BICRAL: variants seen among roughly 807,000 people sequenced by gnomAD.
BICRAL encodes the protein BRD4-interacting chromatin-remodeling complex-associated protein-like.
A neutral mutation model predicts 91.8 loss-of-function variants in BICRAL; 8 were observed. The ratio of observed to expected loss-of-function variants is 0.09; its 90% CI spans 0.05 to 0.16. BICRAL has a LOEUF of 0.16. BICRAL is among the 10% of genes least tolerant of loss of function. The pLI, the probability that BICRAL is intolerant of heterozygous loss-of-function variation, is 1.00. For missense variants in BICRAL, 1,038 were observed against 1,310.9 expected, an observed-to-expected ratio of 0.79 and a Z score of 3.21; for synonymous variants, 445 against 491.1, an observed-to-expected ratio of 0.91 and a Z score of 1.24.
intron 1 of BICRAL, among the ~76,000 whole-genome samples, chr6:42,749,421 G>T (rs1247614971): frequency 6.6e-6 from 1 of 152,170 alleles, no homozygotes; most frequent in East Asian, 1.9e-4. Flanking sequence ...TGGTTAAAGG[G>T]CACAAAGGCA....
At chr6:42,779,970 A>G (rs1762863393), upstream of BICRAL, among the ~76,000 whole-genome samples, 1 of 152,092 alleles carries the variant, frequency 6.6e-6, no homozygotes, top group South Asian at 2.1e-4. Flanking sequence ...GCCTGCCCAT[A>G]GCTCACTGCA....
At chr6:42,817,425 C>T (rs1054288059) in intron 2 of BICRAL, among the ~76,000 whole-genome samples, 1 of 151,410 alleles carries the variant, frequency 6.6e-6, no homozygotes, top group Non-Finnish European at 1.5e-5. Context: ...ATTTACATAC[C>T]ATAAAACTCA....
chr6:42,862,595 T>C lies in BICRAL; in HGVS notation c.2435T>C (p.Leu812Ser). Residue 812 changes from leucine to serine, a missense_variant, in exon 12 of 13, where the codon TTG becomes TCG. Leu to Ser is a moderately radical substitution (Grantham distance 145). This residue lies in a region of BICRAL where 294 missense variants were observed against 292.6 expected (regional missense o/e 1.00). Transcript: ENST00000314073. ...GCTTCCCTGTCCCGAGACAAGCGTT[T>C]GGCACTTGTAGACCCTGGTAAGAAA... The part of the protein sequence containing the change: ...ERASLSRDKR[L>S]ALVDPEGFQA... 1.2e-6 allele frequency: 2 copies of C among 1,602,482 alleles called. No individual in the cohort carries two copies. The highest frequency in any genetic ancestry group is 1.1e-5 in the South Asian group (1 of 90,754).
At position 42,864,873 on chromosome 6, in the gene BICRAL, A is replaced by C; in HGVS notation, c.2667A>C (p.Ala889=). ...TGCCTAATCACATCGTGGTCTCTGC[A>C]GAAGGAAACATTTCTAAAAAAACAG... is the stretch of plus-strand genomic sequence containing the variant. ...HLVPNHIVVS[A]EGNISKKTEC... is the part of the protein sequence containing the mutation. The change falls in exon 13 of 13, where the codon GCA becomes GCC. Residue 889 remains alanine, a synonymous_variant. Transcript: ENST00000314073. 2.5e-6 allele frequency: 4 copies of C among 1,614,188 alleles called. No individual in the cohort carries two copies. The highest frequency in any genetic ancestry group is 2.5e-6 in the Non-Finnish European group (3 of 1,180,030).
At chr6:42,768,593 C>T (rs145406928) in intron 1 of BICRAL, among the ~76,000 whole-genome samples, 1 of 152,172 alleles carries the variant, frequency 6.6e-6, no homozygotes, top group Non-Finnish European at 1.5e-5. Context: ...AGGAAATATT[C>T]CAACTCCAAA....
chr6:42,773,204 G>C (rs1039052018), intron 1 of BICRAL, among the ~76,000 whole-genome samples: 62 of 151,390 alleles, frequency 4.1e-4, no homozygotes, highest in African/African-American at 1.4e-3. Flanking sequence ...TCAGCCTCCT[G>C]AGTAGCTGGG....
chr6:42,798,983 T>C (rs1379499343), intron 1 of BICRAL, among the ~76,000 whole-genome samples: 1 of 152,232 alleles, frequency 6.6e-6, no homozygotes, highest in Non-Finnish European at 1.5e-5. Context: ...TTCCTAAATA[T>C]TTTCAATCTG....
chr6:42,819,823 G>T (rs1764090477), intron 2 of BICRAL, among the ~76,000 whole-genome samples: 1 of 152,128 alleles, frequency 6.6e-6, no homozygotes, highest in African/African-American at 2.4e-5. Flanking sequence ...GGGTGCCCCT[G>T]ACTGTAAAGG....
intron 1 of BICRAL, among the ~76,000 whole-genome samples, chr6:42,761,468 CT>C (rs1451279652): frequency 6.6e-6 from 1 of 152,116 alleles, no homozygotes; most frequent in African/African-American, 2.4e-5. Flanking sequence ...TTAATTAATT[CT>C]GATTAGTTGT....
intron 5 of BICRAL, 106 bp from the exon 6 acceptor site, chr6:42,828,387 C>G: frequency 8.4e-6 from 8 of 951,854 alleles, no homozygotes; most frequent in Non-Finnish European, 1.2e-5. Flanking sequence ...GGTGACAGAG[C>G]GAGACTCCAT....
At chr6:42,823,817 C>T (rs899187447) in intron 5 of BICRAL, among the ~76,000 whole-genome samples, 6 of 151,906 alleles carry the variant, frequency 3.9e-5, no homozygotes, top group African/African-American at 7.3e-5. Flanking sequence ...CCCAGCTACT[C>T]GGGAGCCTGT....
At position 42,842,373 on chromosome 6, in the gene BICRAL, G is replaced by T. The variant is rs1032791235; in HGVS notation, c.1840-9719G>T. ...TTTCGTCCTCTTCCTAAAGAAGGCA[G>T]ATTTCCACATTAATCCTCCTAAAAT... On this transcript the variant is annotated intron_variant, in intron 6 of 12. Transcript: ENST00000314073. Among the ~76,000 whole-genome samples, 3 of 152,206 alleles carry T rather than the reference G, an allele frequency of 2.0e-5. No individual in the cohort carries two copies. The East Asian group carries it at 5.8e-4, about 29-fold the overall frequency.
chr6:42,777,291 T>G (rs1422258368), upstream of BICRAL, among the ~76,000 whole-genome samples: 1 of 152,166 alleles, frequency 6.6e-6, no homozygotes, highest in South Asian at 2.1e-4. Context: ...CTCTCAGAGG[T>G]GGGTACTATA....
chr6:42,747,806 T>A lies in BICRAL; in HGVS notation c.-261+783T>A, dbSNP rs1312273795. On this transcript the variant is annotated intron_variant, in intron 1 of 14. Transcript: ENST00000614467. ...GTTTTTGCTTTTTTGTTTTATTTTG[T>A]TTTTTTTTTTTTTTTTTGAGACGGA... 1.4e-4 allele frequency among the ~76,000 whole-genome samples: 11 copies of A among 80,312 alleles called. No individual in the cohort carries two copies. The East Asian group carries it at 3.1e-3, about 23-fold the overall frequency. 52.7% of individuals were successfully genotyped at this position (80,312 alleles called of 152,430 possible). A position where few individuals can be genotyped will look rare whatever the true frequency, so the allele number is the denominator to read the frequency against.
intron 12 of BICRAL, among the ~76,000 whole-genome samples, chr6:42,863,075 A>G (rs1181398670): frequency 3.7e-5 from 5 of 133,388 alleles, no homozygotes; most frequent in African/African-American, 1.4e-4. Context: ...TTTGAGACGG[A>G]GTATCGCTCT....
chr6:42,857,213 C>A lies in BICRAL; in HGVS notation c.2231C>A (p.Pro744His). Residue 744 changes from proline to histidine, a missense_variant, in exon 10 of 13, where the codon CCC becomes CAC. Coordinates refer to ENST00000314073, the MANE Select transcript of BICRAL (RefSeq NM_001393499.1). Reference sequence around the variant, plus strand: ...TACCACGTGTGCCAGGGCTCCATGCCCACTGAAGAAGACTTGAGAAAAGGT... The same window carrying A: ...TACCACGTGTGCCAGGGCTCCATGCACACTGAAGAAGACTTGAGAAAAGGT... ...LSYHVCQGSM[P>H]TEEDLRKVDN... The A allele has an allele frequency of 6.2e-7, 1 of 1,613,454 alleles. No individual in the cohort carries two copies. Among genetic ancestry groups the A allele is most frequent in the Non-Finnish European group, 8.5e-7 (1 of 1,179,674 alleles).
At chr6:42,790,895 G>A (rs1165298211) in intron 1 of BICRAL, among the ~76,000 whole-genome samples, 3 of 152,056 alleles carry the variant, frequency 2.0e-5, no homozygotes, top group African/African-American at 7.2e-5. Flanking sequence ...AGTTGGGGAA[G>A]AGTGAAATGA....
At chr6:42,797,576 C>A (rs115841533) in intron 1 of BICRAL, among the ~76,000 whole-genome samples, 1 of 152,088 alleles carries the variant, frequency 6.6e-6, no homozygotes, top group African/African-American at 2.4e-5. Flanking sequence ...AGAGGACTTA[C>A]GTTTCAGAGG....
intron 1 of BICRAL, among the ~76,000 whole-genome samples, chr6:42,806,894 G>A (rs201146737): frequency 1.3e-5 from 2 of 152,034 alleles, no homozygotes; most frequent in South Asian, 4.2e-4. Flanking sequence ...GCAATGGCAC[G>A]ATCTTGGCTC....
Sources: gnomAD v4.1 joint callset for allele counts (sites outside exome capture counted in the v4.1 genomes callset) on GRCh38, gnomAD v4.1.1 for gene constraint, gnomAD v4.1.1 regional missense constraint, MANE v1.5 for transcripts, NCBI Gene and HGNC (gene_info 2026-07-23, HGNC 2026-07-21) for gene names.